GPC6: variants seen among roughly 807,000 people sequenced by gnomAD.
GPC6 encodes glypican-6.
In GPC6, 14 loss-of-function variants were observed where a neutral mutation model predicts 55.2. The observed-to-expected ratio is 0.25, with a 90% confidence interval of 0.17 to 0.40. GPC6 has a LOEUF of 0.40. GPC6 is among the 10% of genes least tolerant of loss of function. The pLI is 1.00. For missense variants in GPC6, 641 were observed against 708.5 expected (o/e 0.90, Z 1.08); for synonymous variants, 278 against 259.6 (o/e 1.07, Z -0.68).
rs528833694 is a variant in GPC6 at position 94,405,655 on chromosome 13, C to A, written c.*2438C>A. 3.3e-5 allele frequency: 5 copies of A among 152,176 alleles called. No homozygotes were observed. The highest frequency in any genetic ancestry group is 1.2e-4 in the African/African-American group (5 of 41,520). The allele number at this position is 152,176 out of a possible 1,614,324, so 9.4% of individuals were successfully genotyped here. A position where few individuals can be genotyped will look rare whatever the true frequency, so the allele number is the denominator to read the frequency against. ...ACCCATGTTCTATACGCACTAAACA[C>A]ACAGTTAATATATAAACGCCTGCTT... On this transcript the variant is annotated 3_prime_UTR_variant, in exon 9 of 9. Coordinates refer to ENST00000377047, the MANE Select transcript of GPC6 (RefSeq NM_005708.5).
chr13:93,597,199 A>G (rs1299630801), intron 2 of GPC6, among the ~76,000 whole-genome samples: 1 of 152,052 alleles, frequency 6.6e-6, no homozygotes, highest in Non-Finnish European at 1.5e-5. Context: ...AAAAGCTCTC[A>G]TAGACAAATC....
intron 4 of GPC6, among the ~76,000 whole-genome samples, chr13:94,082,650 C>A (rs1885140540): frequency 6.6e-6 from 1 of 152,184 alleles, no homozygotes; most frequent in South Asian, 2.1e-4. Context: ...CCTCTTCTGC[C>A]CTACTACATG....
chr13:93,388,643 GC>G (rs1388081665), intron 1 of GPC6, among the ~76,000 whole-genome samples: 1 of 152,158 alleles, frequency 6.6e-6, no homozygotes, highest in Non-Finnish European at 1.5e-5. Context: ...CCTTAGAGCT[GC>G]CCACCTGACC....
chr13:93,302,762 C>A (rs562658052), intron 1 of GPC6, among the ~76,000 whole-genome samples: 1 of 152,222 alleles, frequency 6.6e-6, no homozygotes, highest in South Asian at 2.1e-4. Flanking sequence ...CTAGTGGAGT[C>A]AAGGCATAGC....
intron 2 of GPC6, among the ~76,000 whole-genome samples, chr13:93,563,127 G>A (rs1875896156): frequency 6.6e-6 from 1 of 152,070 alleles, no homozygotes; most frequent in Non-Finnish European, 1.5e-5. Context: ...ATACTAATAA[G>A]TGATAAATGT....
rs554082517 is a variant in GPC6 at position 94,261,036 on chromosome 13, G to A, written c.878-25313G>A. Among the ~76,000 whole-genome samples, 18 of 152,298 alleles carry A rather than the reference G, an allele frequency of 1.2e-4. No homozygotes were observed. The South Asian group carries it at 2.3e-3, about 19-fold the overall frequency. ...TGTCTGTAATCCTAGCACTTTGGGA[G>A]GCCAAGGTGGGTGGATCACTTGAGG... On this transcript the variant is annotated intron_variant, in intron 4 of 8. Transcript: ENST00000377047.
At chr13:93,437,650 G>A (rs1877623294) in intron 1 of GPC6, among the ~76,000 whole-genome samples, 1 of 152,118 alleles carries the variant, frequency 6.6e-6, no homozygotes, top group Non-Finnish European at 1.5e-5. Context: ...AAATTTTGAA[G>A]CTAGCAGAGG....
At chr13:93,442,459 A>G (rs1223173515) in intron 1 of GPC6, among the ~76,000 whole-genome samples, 1 of 152,192 alleles carries the variant, frequency 6.6e-6, no homozygotes, top group Non-Finnish European at 1.5e-5. Flanking sequence ...CCTCAGAATA[A>G]CAATCTCTTT....
rs549004887 is a variant in GPC6, at chr13:93,245,434, C to CA, written c.160+17819dup. The stretch of plus-strand genomic sequence containing the variant: ...AGGATTGAGAATGAGTGATGTAGAG[C>CA]AGTGAGCTTCCTAAACTTTACTATG... On this transcript the variant is annotated intron_variant, in intron 1 of 8. Coordinates refer to ENST00000377047, the MANE Select transcript of GPC6 (RefSeq NM_005708.5). 2.9e-3 allele frequency among the ~76,000 whole-genome samples: 438 copies of CA among 152,246 alleles called. 4 individuals are homozygous for CA. Among genetic ancestry groups the CA allele is most frequent in the African/African-American group, 0.01 (420 of 41,540 alleles).
chr13:93,606,305 A>T (rs1486397369), intron 2 of GPC6, among the ~76,000 whole-genome samples: 1 of 152,216 alleles, frequency 6.6e-6, no homozygotes, highest in Non-Finnish European at 1.5e-5. Context: ...TGGAAAGAAG[A>T]CACATAGACA....
the GPC6 span, among the ~76,000 whole-genome samples, chr13:93,217,180 A>T: frequency 6.6e-6 from 1 of 152,246 alleles, no homozygotes; most frequent in Non-Finnish European, 1.5e-5. Flanking sequence ...ATTCATTATG[A>T]AAATAGACTA....
intron 1 of GPC6, among the ~76,000 whole-genome samples, chr13:93,393,081 A>G (rs1412066521): frequency 2.7e-5 from 4 of 149,114 alleles, no homozygotes. Flanking sequence ...AGATATATCT[A>G]TATATAGAGA....
intron 3 of GPC6, among the ~76,000 whole-genome samples, chr13:93,954,952 C>T (rs1485402449): frequency 6.6e-6 from 1 of 152,108 alleles, no homozygotes; most frequent in Non-Finnish European, 1.5e-5. Flanking sequence ...GTCCCCATAA[C>T]AACCACTTTA....
intron 1 of GPC6, among the ~76,000 whole-genome samples, chr13:93,412,176 G>A (rs1340301735): frequency 2.0e-5 from 3 of 152,048 alleles, no homozygotes; most frequent in African/African-American, 4.8e-5. Context: ...TTTTAGAAGG[G>A]AAATGGGTGA....
At position 93,434,141 on chromosome 13, in the gene GPC6, T is replaced by C. The variant is rs575938185; in HGVS notation, c.161-111122T>C. The stretch of plus-strand genomic sequence containing the variant: ...TTTGGCTCTCAAAGTGGTGTCGGAG[T>C]GTCATGTTGGTGATGGCTTTGCCTC... On this transcript the variant is annotated intron_variant, in intron 1 of 8. Transcript: ENST00000377047. Among the ~76,000 whole-genome samples, 12 of 152,220 alleles carry C rather than the reference T, an allele frequency of 7.9e-5. No individual in the cohort carries two copies. The South Asian group carries it at 2.5e-3, about 32-fold the overall frequency.
chr13:93,890,889 G>GA (rs1282215852), intron 3 of GPC6, among the ~76,000 whole-genome samples: 7 of 151,464 alleles, frequency 4.6e-5, no homozygotes, highest in Non-Finnish European at 1.5e-5. Context: ...TATATAACCA[G>GA]AAAAAATAAA....
Position 93,552,730 on chromosome 13 carries a change from ACAAGC to A in GPC6, c.319+7313_319+7317del. 2.6e-5 allele frequency among the ~76,000 whole-genome samples: 4 copies of A among 152,318 alleles called. No individual in the cohort carries two copies. In the East Asian group the frequency reaches 7.7e-4, roughly 29 times the overall value. On this transcript the variant is annotated intron_variant, in intron 2 of 8. Coordinates refer to ENST00000377047, the MANE Select transcript of GPC6 (RefSeq NM_005708.5). ...GCTTTGCTGAGCAGCTGTTTCACAGACAAGCCAATTTCTTTTAAGTATTGCTCTAT... is the reference window on the plus strand; with the variant it reads ...GCTTTGCTGAGCAGCTGTTTCACAGACAATTTCTTTTAAGTATTGCTCTAT...
intron 4 of GPC6, among the ~76,000 whole-genome samples, chr13:94,145,552 G>T (rs1010063400): frequency 8.2e-6 from 1 of 122,140 alleles, no homozygotes; most frequent in Admixed American, 9.7e-5. Context: ...TAAAATAAAA[G>T]TTGAAAAAGA....
intron 4 of GPC6, among the ~76,000 whole-genome samples, chr13:94,107,372 A>G (rs556048171): frequency 2.3e-4 from 35 of 152,112 alleles, no homozygotes; most frequent in Non-Finnish European, 3.8e-4. Flanking sequence ...TAAAGGGAAA[A>G]TATTCTGTGA....
Sources: gnomAD v4.1 joint callset for allele counts (sites outside exome capture counted in the v4.1 genomes callset) on GRCh38, gnomAD v4.1.1 for gene constraint, MANE v1.5 for transcripts, NCBI Gene and HGNC (gene_info 2026-07-23, HGNC 2026-07-21) for gene names.